Variants in GRAMD4 observed in about 807,000 individuals in gnomAD.
GRAMD4 encodes the protein GRAM domain-containing protein 4.
A neutral mutation model predicts 83.9 loss-of-function variants in GRAMD4; 25 were observed. The ratio of observed to expected loss-of-function variants is 0.30; its 90% CI spans 0.22 to 0.42. GRAMD4 has a LOEUF of 0.42. GRAMD4 is among the 10% of genes least tolerant of loss of function. The pLI, the probability that GRAMD4 is intolerant of heterozygous loss-of-function variation, is 1.00. For synonymous variants in GRAMD4, 336 were observed against 320.9 expected, an observed-to-expected ratio of 1.05 and a Z score of -0.50; for missense variants, 593 against 788.7, an observed-to-expected ratio of 0.75 and a Z score of 2.97.
At chr22:46,661,027 AAC>A (rs35485112) in intron 4 of GRAMD4, among the ~76,000 whole-genome samples, 13,560 of 152,258 alleles carry the variant, frequency 0.089, 795 homozygotes, top group African/African-American at 0.17. Context: ...GTGCCTGATA[AAC>A]ACATGTGTGT....
intron 1 of GRAMD4, among the ~76,000 whole-genome samples, chr22:46,615,045 CT>C (rs201776287): frequency 5.2e-5 from 3 of 57,796 alleles, no homozygotes; most frequent in Non-Finnish European, 7.7e-5. Context: ...GTAGGTTCCC[CT>C]GTGCGTGTAG....
intron 8 of GRAMD4, 151 bp downstream of exon 8, chr22:46,664,268 T>G: frequency 1.5e-6 from 1 of 666,940 alleles, no homozygotes; most frequent in East Asian, 2.6e-5. Flanking sequence ...TTCTGTAAAG[T>G]GGGCTCACTG....
upstream of GRAMD4, among the ~76,000 whole-genome samples, chr22:46,615,556 CCCCTGTGCGTGT>C: frequency 7.2e-6 from 1 of 138,144 alleles, no homozygotes; most frequent in Non-Finnish European, 1.6e-5. Flanking sequence ...TGTGTAGGTT[CCCCTGTGCGTGT>C]AGGTTCCCCT....
At position 46,665,999 on chromosome 22, in the gene GRAMD4, A is replaced by G. The variant is rs770564002; in HGVS notation, c.809+293A>G. Among the ~76,000 whole-genome samples, 50 of 152,310 alleles carry G rather than the reference A, an allele frequency of 3.3e-4. No individual in the cohort carries two copies. Among genetic ancestry groups the G allele is most frequent in the Non-Finnish European group, 5.7e-4 (39 of 67,998 alleles). ...ACATCGCAGGGGGCTTCTCCCCAAC[A>G]TCAGTGGGTAGGTGGGTGAAGCAAA... On this transcript the variant is annotated intron_variant, in intron 9 of 18. Coordinates refer to ENST00000406902, the MANE Select transcript of GRAMD4 (RefSeq NM_015124.5).
At chr22:46,605,315 G>T (rs1403002479) in intron 1 of GRAMD4, among the ~76,000 whole-genome samples, 2 of 152,238 alleles carry the variant, frequency 1.3e-5, no homozygotes, top group African/African-American at 4.8e-5. Flanking sequence ...AATATTCCAT[G>T]GTGTGGATGG....
chr22:46,644,258 C>T (rs1010925377), intron 3 of GRAMD4, among the ~76,000 whole-genome samples: 10 of 151,500 alleles, frequency 6.6e-5, no homozygotes, highest in South Asian at 4.2e-4. Context: ...GTCCCTGTTC[C>T]GTATTACATC....
In GRAMD4 at chr22:46,678,376, G is replaced by GCCGGTC. The variant is rs1438421147; in HGVS notation, c.*1127_*1132dup. 2 of 985,008 alleles carry GCCGGTC rather than the reference G, an allele frequency of 2.0e-6. No individual in the cohort carries two copies. Among genetic ancestry groups the GCCGGTC allele is most frequent in the Non-Finnish European group, 2.4e-6 (2 of 829,528 alleles). 61.0% of individuals were successfully genotyped at this position (985,008 alleles called of 1,614,324 possible). ...TCCCTCCCCCGCGTGCCTAGCCGGTGCCGGTCCGGGCACAGACCCCCCCAG... is the reference window on the plus strand; with the variant it reads ...TCCCTCCCCCGCGTGCCTAGCCGGTGCCGGTCCCGGTCCGGGCACAGACCCCCCCAG... On this transcript the variant is annotated 3_prime_UTR_variant, in exon 19 of 19. Transcript: ENST00000406902.
At chr22:46,600,129 G>A (rs755195395) in intron 1 of GRAMD4, among the ~76,000 whole-genome samples, 1 of 152,166 alleles carries the variant, frequency 6.6e-6, no homozygotes, top group African/African-American at 2.4e-5. Context: ...TTTATGCCTC[G>A]ATTTTTAAAG....
In GRAMD4 at chr22:46,607,190, C is replaced by T. The variant is rs1249585933; in HGVS notation, c.-49-19561C>T. Among the ~76,000 whole-genome samples the T allele has an allele frequency of 6.7e-5, 6 of 89,804 alleles. No individual in the cohort carries two copies. The South Asian group carries it at 3.0e-3, about 45-fold the overall frequency. The allele number at this position is 89,804 out of a possible 152,430, so 58.9% of individuals were successfully genotyped here. On this transcript the variant is annotated intron_variant, in intron 1 of 1. Transcript: ENST00000431155. ...ATGTCCTTTCCTGAGCCACAGTTCCCTCGTGTCTTTAAAAAGGGGGGGGTC... is the reference window on the plus strand; with the variant it reads ...ATGTCCTTTCCTGAGCCACAGTTCCTTCGTGTCTTTAAAAAGGGGGGGGTC...
At chr22:46,618,581 C>T (rs2081533606), upstream of GRAMD4, among the ~76,000 whole-genome samples, 1 of 152,094 alleles carries the variant, frequency 6.6e-6, no homozygotes, top group Non-Finnish European at 1.5e-5. This position sits in a 1 kb window ranked among gnomAD's most constrained non-coding sequence, Gnocchi z 5.8. Flanking sequence ...TGCGTGGAAG[C>T]CCCTGGAGAA....
At chr22:46,673,136 G>GA in intron 14 of GRAMD4, 139 bp downstream of exon 14, 1 of 680,386 alleles carries the variant, frequency 1.5e-6, no homozygotes, top group East Asian at 3.1e-5. Flanking sequence ...AAACTTGAGG[G>GA]TTTTTTTTTT....
chr22:46,677,072 G>A (rs2082610204), intron 18 of GRAMD4, 75 bp from the exon 19 acceptor site: 2 of 1,572,354 alleles, frequency 1.3e-6, no homozygotes, highest in Non-Finnish European at 1.7e-6. Context: ...GGCTGGTGTT[G>A]GACTTCGTCT....
intron 2 of GRAMD4, among the ~76,000 whole-genome samples, chr22:46,629,450 C>A (rs1046700088): frequency 3.9e-5 from 6 of 152,170 alleles, no homozygotes; most frequent in African/African-American, 1.4e-4. Flanking sequence ...CTTTGCGAAG[C>A]CTCGTTCCTG....
chr22:46,594,135 C>T (rs2081236948), intron 1 of GRAMD4, among the ~76,000 whole-genome samples: 1 of 151,276 alleles, frequency 6.6e-6, no homozygotes, highest in South Asian at 2.1e-4. Flanking sequence ...TCCTGCCAGC[C>T]CCACCCCAGC....
chr22:46,609,355 C>G (rs951262844), intron 1 of GRAMD4, among the ~76,000 whole-genome samples: 1 of 152,204 alleles, frequency 6.6e-6, no homozygotes, highest in Non-Finnish European at 1.5e-5. Context: ...CTGTGTTGGG[C>G]TTGTATGTAT....
At chr22:46,637,798 G>C in intron 2 of GRAMD4, 42 bp from the exon 3 acceptor site, 1 of 1,610,062 alleles carries the variant, frequency 6.2e-7, no homozygotes, top group Non-Finnish European at 8.5e-7. Flanking sequence ...GACCCAGGGT[G>C]CCACAGGTGG....
intron 1 of GRAMD4, among the ~76,000 whole-genome samples, chr22:46,601,873 T>C (rs999370801): frequency 2.0e-5 from 3 of 152,228 alleles, no homozygotes; most frequent in Non-Finnish European, 4.4e-5. Flanking sequence ...GAACTCACCA[T>C]GGATCAAGGC....
chr22:46,605,762 G>A (rs1381663819), intron 1 of GRAMD4, among the ~76,000 whole-genome samples: 1 of 142,758 alleles, frequency 7.0e-6, no homozygotes, highest in Non-Finnish European at 1.5e-5. Context: ...ATGGGCCTAT[G>A]GCCGGTGCTG....
intron 3 of GRAMD4, among the ~76,000 whole-genome samples, chr22:46,652,999 C>T (rs961482960): frequency 6.1e-4 from 93 of 152,254 alleles, no homozygotes; most frequent in African/African-American, 1.9e-3. Context: ...ATTTCAGTTT[C>T]GGGAGAGACA....
Sources: allele counts gnomAD v4.1 joint callset (sites outside exome capture counted in the v4.1 genomes callset), GRCh38; gene constraint gnomAD v4.1.1; non-coding constraint Gnocchi (gnomAD v3.1); transcripts MANE v1.5; gene names NCBI Gene and HGNC (gene_info 2026-07-23, HGNC 2026-07-21).